KLHL8: variants seen among roughly 807,000 people sequenced by gnomAD.
KLHL8 encodes the protein kelch like family member 8.
In KLHL8, 38 loss-of-function variants were observed where a neutral mutation model predicts 63.5. The observed-to-expected ratio is 0.60, with a 90% CI of 0.46 to 0.78. KLHL8 has a LOEUF of 0.78. Ranked by LOEUF, KLHL8 falls within the 30% of genes least tolerant of loss-of-function variation. The pLI, the probability that KLHL8 is intolerant of heterozygous loss-of-function variation, is 0.00. For synonymous variants in KLHL8, 224 were observed against 254.3 expected (o/e 0.88, Z 1.13); for missense variants, 566 against 752.4 (o/e 0.75, Z 2.90).
intron 2 of KLHL8, among the ~76,000 whole-genome samples, chr4:87,186,455 T>C (rs1288081204): frequency 2.0e-5 from 3 of 151,544 alleles, no homozygotes; most frequent in Non-Finnish European, 2.9e-5. Context: ...TTAGCACTCA[T>C]TACATGCCAA....
intron 8 of KLHL8, among the ~76,000 whole-genome samples, chr4:87,165,981 TTTA>T (rs1730383518): frequency 6.6e-6 from 1 of 152,136 alleles, no homozygotes; most frequent in African/African-American, 2.4e-5. Context: ...GTCCAAAAGA[TTTA>T]AAAAGTAACA....
intron 2 of KLHL8, among the ~76,000 whole-genome samples, chr4:87,188,789 A>G (rs1731358279): frequency 6.6e-6 from 1 of 152,228 alleles, no homozygotes; most frequent in East Asian, 1.9e-4. Context: ...AAGTCTAAAG[A>G]CCTGATGTTT....
chr4:87,222,150 T>C (rs1732882996), upstream of KLHL8, among the ~76,000 whole-genome samples: 1 of 152,208 alleles, frequency 6.6e-6, no homozygotes, highest in African/African-American at 2.4e-5. Context: ...ATATTTGCCT[T>C]ACCTGATTTT....
rs1007922275 is a variant in KLHL8 at position 87,160,685 on chromosome 4, G to A, written c.*2834C>T. On this transcript the variant is annotated 3_prime_UTR_variant, in exon 10 of 10. Transcript: ENST00000273963. ...AGTAACTTGTTTTTAAAGTGGCAAC[G>A]CAATATAGTAAAGCAATGGCTTTAA... The A allele has an allele frequency of 6.6e-6, 1 of 152,142 alleles. No homozygotes were observed. Among genetic ancestry groups the A allele is most frequent in the Non-Finnish European group, 1.5e-5 (1 of 68,018 alleles). The allele number at this position is 152,142 out of a possible 1,614,324, so 9.4% of individuals were successfully genotyped here.
chr4:87,161,506 C>G lies in KLHL8; in HGVS notation c.*2013G>C, dbSNP rs1054920912. 1 of 152,016 alleles carries G rather than the reference C, an allele frequency of 6.6e-6. No individual in the cohort carries two copies. Among genetic ancestry groups the G allele is most frequent in the African/African-American group, 2.4e-5 (1 of 41,396 alleles). The allele number at this position is 152,016 out of a possible 1,614,324, so 9.4% of individuals were successfully genotyped here. On this transcript the variant is annotated 3_prime_UTR_variant, in exon 10 of 10. Transcript: ENST00000273963. ...AAACCAGAAATGAAAATATAATAACCCTTATAACTCCTTACATATAAGAAA... is the reference window on the plus strand; with the variant it reads ...AAACCAGAAATGAAAATATAATAACGCTTATAACTCCTTACATATAAGAAA...
At chr4:87,230,769 A>T (rs796776127) in intron 1 of KLHL8, among the ~76,000 whole-genome samples, 4 of 152,318 alleles carry the variant, frequency 2.6e-5, no homozygotes, top group African/African-American at 9.6e-5. Context: ...AATCTTCTCA[A>T]TTCCTGCCCC....
At chr4:87,225,106 A>G (rs188928849), upstream of KLHL8, among the ~76,000 whole-genome samples, 12 of 152,050 alleles carry the variant, frequency 7.9e-5, no homozygotes, top group East Asian at 2.3e-3. Flanking sequence ...TGAAATATTT[A>G]AAGTTCCCAA....
rs1730255429 is a variant in KLHL8, at chr4:87,163,530, C to T, written c.1852G>A (p.Asp618Asn). Residue 618 changes from aspartate (D) to asparagine (N), a missense_variant, in exon 10 of 10, where the codon GAC becomes AAC. By Grantham distance (23) the Asp-to-Asn change is conservative (BLOSUM62 1). Coordinates refer to ENST00000273963, the MANE Select transcript of KLHL8 (RefSeq NM_020803.5). The part of the protein sequence containing the change: ...DVGHGSNNVV[D>N]CM Reference sequence around the variant, plus strand: ...GGCCAGAACTCAAATCACATACAGTCAACCACATTATTGGATCCATGACCT... The same window carrying T: ...GGCCAGAACTCAAATCACATACAGTTAACCACATTATTGGATCCATGACCT... 6.2e-7 allele frequency: 1 copy of T among 1,614,034 alleles called. No individual in the cohort carries two copies. Among genetic ancestry groups the T allele is most frequent in the Non-Finnish European group, 8.5e-7 (1 of 1,179,984 alleles).
At chr4:87,207,942 C>G (rs927988647) in intron 1 of KLHL8, 2 of 929,194 alleles carry the variant, frequency 2.2e-6, no homozygotes, top group African/African-American at 3.2e-5. Flanking sequence ...CCTCCAACTT[C>G]AACAGCAACA....
chr4:87,189,187 G>A (rs946585814), intron 2 of KLHL8, among the ~76,000 whole-genome samples: 2 of 152,194 alleles, frequency 1.3e-5, no homozygotes, highest in African/African-American at 4.8e-5. Context: ...AACACAGGTT[G>A]AACAACTGGT....
In KLHL8 at chr4:87,164,026, T is replaced by C. The variant is rs745993962; in HGVS notation, c.1591A>G (p.Ser531Gly). 6.2e-7 allele frequency: 1 copy of C among 1,614,188 alleles called. No homozygotes were observed. Among genetic ancestry groups the C allele is most frequent in the Non-Finnish European group, 8.5e-7 (1 of 1,180,024 alleles). The change falls in exon 9 of 10, where the codon AGC becomes GGC. Residue 531 changes from serine (S) to glycine (G), a missense_variant. By Grantham distance (56) the Ser-to-Gly change is moderately conservative. Transcript: ENST00000273963. ...GCTGCCACATAATCCCACTTGTTGC[T>C]TCGGGGGTCATACCGCTCAACTGAA... ...LSSVERYDPR[S>G]NKWDYVAALT...
intron 1 of KLHL8, among the ~76,000 whole-genome samples, chr4:87,227,283 T>C (rs893140253): frequency 2.0e-5 from 3 of 152,030 alleles, no homozygotes; most frequent in African/African-American, 7.2e-5. Flanking sequence ...AGTATCTCTC[T>C]CGTTTTTCTT....
intron 1 of KLHL8, among the ~76,000 whole-genome samples, chr4:87,215,493 GA>G (rs1189965571): frequency 2.0e-5 from 3 of 151,846 alleles, no homozygotes; most frequent in Admixed American, 6.6e-5. Context: ...AATATCAAAG[GA>G]AAAAAAGATC....
chr4:87,200,085 G>A (rs1731852591), intron 1 of KLHL8, among the ~76,000 whole-genome samples: 2 of 139,782 alleles, frequency 1.4e-5, no homozygotes, highest in Admixed American at 7.8e-5. Context: ...AGGCTGCAGT[G>A]AGCTGTAATC....
At chr4:87,170,965 G>T (rs1320338156) in intron 6 of KLHL8, among the ~76,000 whole-genome samples, 5 of 152,202 alleles carry the variant, frequency 3.3e-5, no homozygotes, top group African/African-American at 1.2e-4. Flanking sequence ...AGTTGACAGA[G>T]AAGTTCTGCA....
intron 8 of KLHL8, 84 bp downstream of exon 8, chr4:87,169,993 TAA>T: frequency 1.9e-6 from 2 of 1,061,740 alleles, no homozygotes; most frequent in Non-Finnish European, 2.8e-6. Flanking sequence ...TACTTAAGGC[TAA>T]ATGCAATGTA....
upstream of KLHL8, chr4:87,221,198 C>CA (rs1461216612): frequency 6.6e-6 from 1 of 152,120 alleles, no homozygotes; most frequent in Non-Finnish European, 1.5e-5. Context: ...GAGTCGAGAC[C>CA]ATCCTGGCCA....
At chr4:87,201,286 A>C (rs1731909019) in intron 1 of KLHL8, among the ~76,000 whole-genome samples, 1 of 152,236 alleles carries the variant, frequency 6.6e-6, no homozygotes, top group Non-Finnish European at 1.5e-5. Flanking sequence ...CGCAATAAAA[A>C]AAGACACTAC....
intron 1 of KLHL8, among the ~76,000 whole-genome samples, chr4:87,196,568 A>G (rs1375084805): frequency 6.6e-6 from 1 of 152,208 alleles, no homozygotes; most frequent in Non-Finnish European, 1.5e-5. Flanking sequence ...ACTGCCAAAC[A>G]TACGAAATGC....
Sources: allele counts gnomAD v4.1 joint callset (sites outside exome capture counted in the v4.1 genomes callset), GRCh38; gene constraint gnomAD v4.1.1; transcripts MANE v1.5; gene names NCBI Gene and HGNC (gene_info 2026-07-23, HGNC 2026-07-21).